Variants in TDRD9 observed in about 807,000 individuals in gnomAD.
TDRD9 encodes the protein tudor domain containing 9, also known as ATP-dependent RNA helicase TDRD9.
A neutral mutation model predicts 172.6 loss-of-function variants in TDRD9; 124 were observed. The ratio of observed to expected loss-of-function variants is 0.72; its 90% CI spans 0.62 to 0.83. The LOEUF (loss-of-function observed/expected upper bound fraction) is 0.83, where lower values mean the gene tolerates loss of function less well. Among genes scored for constraint, TDRD9 ranks in the 40% least tolerant of loss-of-function variants. The pLI, the probability that TDRD9 is intolerant of heterozygous loss-of-function variation, is 0.00. For synonymous variants in TDRD9, 619 were observed against 617.1 expected (o/e 1.00, Z -0.05); for missense variants, 1,479 against 1,714.1 (o/e 0.86, Z 2.42).
At chr14:104,043,122 C>T (rs566904503) in intron 34 of TDRD9, among the ~76,000 whole-genome samples, 1 of 152,200 alleles carries the variant, frequency 6.6e-6, no homozygotes, top group African/African-American at 2.4e-5. Context: ...CTCCTTGGCA[C>T]ACATGATCTT....
Position 103,938,430 on chromosome 14 carries a change from A to ATTTTTTT in TDRD9, c.215+9707_215+9708insTTTTTTT, listed in dbSNP as rs1566723244. On this transcript the variant is annotated intron_variant, in intron 1 of 35. Coordinates refer to ENST00000409874, the MANE Select transcript of TDRD9 (RefSeq NM_153046.3). ...TGTGTGTGTGTATATATATATATAT[A>ATTTTTTT]TATATATATATTTTTTTTTTTTTTT... Among the ~76,000 whole-genome samples the ATTTTTTT allele has an allele frequency of 1.8e-4, 7 of 39,926 alleles. 2 individuals are homozygous for ATTTTTTT. The highest frequency in any genetic ancestry group is 7.6e-4 in the African/African-American group (7 of 9,266). The allele number at this position is 39,926 out of a possible 152,430, so 26.2% of individuals were successfully genotyped here.
chr14:104,007,355 G>A (rs918666545), intron 19 of TDRD9, among the ~76,000 whole-genome samples, 151 bp downstream of exon 19: 1 of 152,186 alleles, frequency 6.6e-6, no homozygotes, highest in Admixed American at 6.5e-5. Context: ...TGTCCCAAGA[G>A]TGGCAGGCCA....
intron 1 of TDRD9, chr14:103,939,901 C>G (rs183723058): frequency 1.3e-5 from 2 of 150,210 alleles, no homozygotes; most frequent in African/African-American, 4.9e-5. Context: ...TATGTGCCAC[C>G]ACACCCAGCT....
intron 6 of TDRD9, among the ~76,000 whole-genome samples, chr14:103,971,613 G>A (rs2152157593): frequency 6.6e-6 from 1 of 152,154 alleles, no homozygotes; most frequent in Middle Eastern, 3.4e-3. Flanking sequence ...CGGGCTGACT[G>A]TATTTTAACA....
chr14:103,983,730 G>T (rs1209853395), intron 7 of TDRD9, among the ~76,000 whole-genome samples: 1 of 152,196 alleles, frequency 6.6e-6, no homozygotes. Context: ...GTGGGGCACT[G>T]CTGAAAAGAT....
chr14:104,044,736 A>C (rs963730697), intron 34 of TDRD9, among the ~76,000 whole-genome samples: 1 of 152,244 alleles, frequency 6.6e-6, no homozygotes, highest in Non-Finnish European at 1.5e-5. Flanking sequence ...TTATGAAGAA[A>C]GCTGCTATGA....
rs147474559 is a variant in TDRD9, at chr14:104,022,303, T to C, written c.2579T>C (p.Met860Thr). 1 of 1,613,562 alleles carries C rather than the reference T, an allele frequency of 6.2e-7. No individual in the cohort carries two copies. Among genetic ancestry groups the C allele is most frequent in the Non-Finnish European group, 8.5e-7 (1 of 1,179,754 alleles). Residue 860 changes from methionine (M) to threonine (T), a missense_variant, in exon 24 of 36, where the codon ATG becomes ACG. Transcript: ENST00000409874. ...GAAATTGAAGGGAAGGTGCAAGGCA[T>C]GAACGTCTCAAAGCTCAGGAACACA... ...AEEIEGKVQG[M>T]NVSKLRNTRV...
chr14:104,023,548 T>C (rs2035028260), intron 24 of TDRD9, among the ~76,000 whole-genome samples: 1 of 152,246 alleles, frequency 6.6e-6, no homozygotes, highest in Non-Finnish European at 1.5e-5. Flanking sequence ...GCAGGAGCAC[T>C]TGCTGCATGC....
intron 34 of TDRD9, among the ~76,000 whole-genome samples, chr14:104,045,911 C>G (rs2035759737): frequency 6.6e-6 from 1 of 152,176 alleles, no homozygotes; most frequent in African/African-American, 2.4e-5. Context: ...TGTAAGTGAC[C>G]CACTCTCTGG....
At chr14:103,964,533 G>A (rs2032651424) in intron 3 of TDRD9, among the ~76,000 whole-genome samples, 2 of 147,086 alleles carry the variant, frequency 1.4e-5, no homozygotes, top group East Asian at 3.9e-4. Flanking sequence ...TTGTTTTTTT[G>A]TTTGTTTGTT....
chr14:103,955,747 G>A lies in TDRD9; in HGVS notation c.299G>A (p.Ser100Asn). Reference protein sequence around the residue: ...LEAQELDVCRSVQPTSGPGPR... With the variant: ...LEAQELDVCRNVQPTSGPGPR... ...GCACAAGAGCTTGATGTGTGTCGCAGTGTCCAACCAACCAGTGGGCCAGGT... is the reference window on the plus strand; with the variant it reads ...GCACAAGAGCTTGATGTGTGTCGCAATGTCCAACCAACCAGTGGGCCAGGT... Residue 100 changes from serine (S) to asparagine (N), a missense_variant, in exon 2 of 36, where the codon AGT (serine) becomes AAT (asparagine). Ser to Asn is a conservative substitution (Grantham distance 46). Coordinates refer to ENST00000409874, the MANE Select transcript of TDRD9 (RefSeq NM_153046.3). 1 of 1,551,284 alleles carries A rather than the reference G, an allele frequency of 6.4e-7. No individual in the cohort carries two copies. Among genetic ancestry groups the A allele is most frequent in the South Asian group, 1.2e-5 (1 of 84,030 alleles).
At chr14:104,005,670 A>T (rs1324144548) in intron 15 of TDRD9, among the ~76,000 whole-genome samples, 1 of 152,028 alleles carries the variant, frequency 6.6e-6, no homozygotes, top group Non-Finnish European at 1.5e-5. Context: ...TTGACTGCAC[A>T]CCTGACTCAT....
chr14:103,952,216 ATATATTTT>A (rs2031948099), intron 1 of TDRD9, among the ~76,000 whole-genome samples: 1 of 49,916 alleles, frequency 2.0e-5, no homozygotes, highest in Non-Finnish European at 3.4e-5. Context: ...ATATATATAT[ATATATTTT>A]TTTTTTTTTT....
At chr14:103,941,558 T>C in intron 1 of TDRD9, 2 of 1,535,424 alleles carry the variant, frequency 1.3e-6, no homozygotes, top group African/African-American at 1.4e-5. Flanking sequence ...TTTCGATTTC[T>C]TGTATTAATC....
chr14:104,026,080 G>A lies in TDRD9; in HGVS notation c.2965G>A (p.Val989Ile), dbSNP rs1566791978. ...FFVDYGNKSH[V>I]DLHLLMEIPC... is the part of the protein sequence containing the mutation. ...TGTAGATTATGGCAATAAGTCTCAT[G>A]TAGATCTACATCTTTTGATGGAGAT... The change falls in exon 27 of 36, where the codon GTA becomes ATA. Residue 989 changes from valine (V) to isoleucine (I), a missense_variant. Physicochemically the swap from Val to Ile is conservative, Grantham distance 29. Around this residue, in one of 3 missense-constraint regions of TDRD9, gnomAD observed 1,413 missense variants for 1,649.1 expected, o/e 0.86. Transcript: ENST00000409874. 1 of 1,611,604 alleles carries A rather than the reference G, an allele frequency of 6.2e-7. No homozygotes were observed.
At chr14:103,933,365 T>C (rs17095276) in intron 1 of TDRD9, among the ~76,000 whole-genome samples, 3,484 of 152,312 alleles carry the variant, frequency 0.023, 79 homozygotes, top group East Asian at 0.071. Flanking sequence ...CTTTCCTGTC[T>C]TCACAGCTCA....
At chr14:104,006,046 T>C (rs2034427447) in intron 15 of TDRD9, among the ~76,000 whole-genome samples, 1 of 152,162 alleles carries the variant, frequency 6.6e-6, no homozygotes, top group African/African-American at 2.4e-5. Flanking sequence ...TTTTTCCCCA[T>C]ACATAGTTCA....
Position 103,997,945 on chromosome 14 carries a change from C to T in TDRD9, c.1379-679C>T, listed in dbSNP as rs1385852002. Among the ~76,000 whole-genome samples, 1 of 151,970 alleles carries T rather than the reference C, an allele frequency of 6.6e-6. No individual in the cohort carries two copies. Among genetic ancestry groups the T allele is most frequent in the African/African-American group, 2.4e-5 (1 of 41,358 alleles). On this transcript the variant is annotated intron_variant, in intron 12 of 35. Transcript: ENST00000409874. This position sits in a 1 kb window ranked among gnomAD's most constrained non-coding sequence, Gnocchi z 5.1. ...AGAACCGGTGGCGGCACACAACACT[C>T]CACAGGTGCTTTGCTGTAGGGGAGC...
chr14:103,952,220 ATTT>A (rs61410445), intron 1 of TDRD9, among the ~76,000 whole-genome samples: 30 of 32,310 alleles, frequency 9.3e-4, no homozygotes, highest in Non-Finnish European at 1.3e-3. Flanking sequence ...ATATATATAT[ATTT>A]TTTTTTTTTT....
Sources: gnomAD v4.1 joint callset for allele counts (sites outside exome capture counted in the v4.1 genomes callset) on GRCh38, gnomAD v4.1.1 for gene constraint, gnomAD v4.1.1 regional missense constraint, Gnocchi (gnomAD v3.1) non-coding constraint, MANE v1.5 for transcripts, NCBI Gene and HGNC (gene_info 2026-07-23, HGNC 2026-07-21) for gene names.